GLIS1: variants seen among roughly 807,000 people sequenced by gnomAD.
GLIS1 encodes the protein GLIS family zinc finger 1, also known as zinc finger protein GLIS1.
Under a neutral mutation model 63.8 loss-of-function variants are expected in GLIS1, and 24 were observed. The ratio of observed to expected loss-of-function variants is 0.38; its 90% confidence interval spans 0.27 to 0.53. GLIS1 has a LOEUF of 0.53. GLIS1 is among the 20% of genes least tolerant of loss of function. The pLI, the probability that GLIS1 is intolerant of heterozygous loss-of-function variation, is 0.85. For missense variants in GLIS1, 1,036 were observed against 1,074.1 expected, an observed-to-expected ratio of 0.96 and a Z score of 0.50; for synonymous variants, 450 against 482.5, an observed-to-expected ratio of 0.93 and a Z score of 0.88.
At chr1:53,684,529 G>T (rs906382987) in intron 2 of GLIS1, among the ~76,000 whole-genome samples, 8 of 152,142 alleles carry the variant, frequency 5.3e-5, no homozygotes, top group African/African-American at 1.9e-4. Context: ...AGCCACCAGG[G>T]TGGGTGGCTG....
intron 2 of GLIS1, among the ~76,000 whole-genome samples, chr1:53,613,480 T>C (rs1645447271): frequency 6.6e-6 from 1 of 152,184 alleles, no homozygotes; most frequent in Non-Finnish European, 1.5e-5. Context: ...TATCCAATAA[T>C]AGAAGAATGA....
At chr1:53,510,106 C>A (rs899926105) in intron 8 of GLIS1, 79 bp from the exon 9 acceptor site, 4 of 781,938 alleles carry the variant, frequency 5.1e-6, no homozygotes, top group Non-Finnish European at 7.1e-6. Flanking sequence ...GCGGCTTACA[C>A]CCCTCCAGCG....
intron 4 of GLIS1, among the ~76,000 whole-genome samples, chr1:53,564,734 A>G (rs1246594574): frequency 1.3e-5 from 2 of 152,092 alleles, no homozygotes; most frequent in Non-Finnish European, 2.9e-5. Context: ...AACTTAAACC[A>G]AAAACATTAT....
chr1:53,573,346 A>G (rs3108389), intron 4 of GLIS1, among the ~76,000 whole-genome samples: 6,077 of 152,124 alleles, frequency 0.04, 392 homozygotes, highest in African/African-American at 0.14. Flanking sequence ...GGGGAAGGAC[A>G]GTGGCGGTGG....
At chr1:53,616,256 C>T (rs1645481772) in intron 2 of GLIS1, among the ~76,000 whole-genome samples, 1 of 152,168 alleles carries the variant, frequency 6.6e-6, no homozygotes, top group Non-Finnish European at 1.5e-5. Flanking sequence ...TGGTGACCAA[C>T]ACTCAAAACA....
At chr1:53,724,223 T>C (rs985236137) in intron 2 of GLIS1, among the ~76,000 whole-genome samples, 2 of 152,192 alleles carry the variant, frequency 1.3e-5, no homozygotes, top group African/African-American at 2.4e-5. Context: ...CTAGAGACTT[T>C]AGCATGTGAC....
chr1:53,644,854 G>A (rs990096347), intron 2 of GLIS1, among the ~76,000 whole-genome samples: 2 of 152,182 alleles, frequency 1.3e-5, no homozygotes, highest in East Asian at 1.9e-4. Context: ...GCAGAGGAGC[G>A]ACAGATTCCA....
intron 2 of GLIS1, among the ~76,000 whole-genome samples, chr1:53,716,269 C>G (rs1526911): frequency 0.23 from 35,596 of 151,938 alleles, 4,228 homozygotes; most frequent in African/African-American, 0.28. Flanking sequence ...AGGGGCCCAA[C>G]AGTGAGAACA....
intron 5 of GLIS1, 27 bp downstream of exon 5, chr1:53,529,764 C>A: frequency 6.2e-7 from 1 of 1,604,068 alleles, no homozygotes; most frequent in Non-Finnish European, 8.5e-7. Flanking sequence ...CTCCACCCCG[C>A]CCTGGGCCTC....
rs528867427 is a variant in GLIS1 at position 53,597,680 on chromosome 1, G to A, written c.437+2421C>T. On this transcript the variant is annotated intron_variant, in intron 3 of 10. Coordinates refer to ENST00000628545, the MANE Select transcript of GLIS1 (RefSeq NM_001367484.1). ...CCGTCGGGCGGTTGGGGGAAGGCAC[G>A]GAATTCAGATCAGGTGCGGCATAGG... Among the ~76,000 whole-genome samples, 572 of 152,200 alleles carry A rather than the reference G, an allele frequency of 3.8e-3. 4 individuals are homozygous for A. The highest frequency in any genetic ancestry group is 7.1e-3 in the Non-Finnish European group (480 of 68,014).
At chr1:53,649,452 C>T (rs778007952) in intron 2 of GLIS1, among the ~76,000 whole-genome samples, 4 of 152,168 alleles carry the variant, frequency 2.6e-5, no homozygotes, top group African/African-American at 4.8e-5. Flanking sequence ...CAGTATATTG[C>T]GCACCACAGT....
chr1:53,565,031 A>G (rs1010661064), intron 4 of GLIS1, among the ~76,000 whole-genome samples: 13 of 152,072 alleles, frequency 8.5e-5, no homozygotes, highest in African/African-American at 2.9e-4. Context: ...TACAAGACCA[A>G]TATCATATAA....
intron 4 of GLIS1, among the ~76,000 whole-genome samples, chr1:53,553,481 A>G (rs1644783758): frequency 6.6e-6 from 1 of 152,246 alleles, no homozygotes; most frequent in African/African-American, 2.4e-5. Flanking sequence ...GCTGCTGGTG[A>G]CACAGTGGTG....
intron 8 of GLIS1, 41 bp from the exon 9 acceptor site, chr1:53,510,068 G>C: frequency 8.4e-7 from 1 of 1,183,986 alleles, no homozygotes; most frequent in South Asian, 4.3e-5. Flanking sequence ...CAGGGGTCTG[G>C]AGGGTGGGGG....
intron 10 of GLIS1, 127 bp from the exon 11 acceptor site, chr1:53,506,903 T>TCCAA: frequency 1.0e-6 from 1 of 963,974 alleles, no homozygotes; most frequent in Non-Finnish European, 1.5e-6. Context: ...CGGTGGGGCC[T>TCCAA]GCTTGGAGCC....
At chr1:53,727,224 G>T (rs1458808590) in intron 2 of GLIS1, among the ~76,000 whole-genome samples, 2 of 152,236 alleles carry the variant, frequency 1.3e-5, no homozygotes, top group Non-Finnish European at 2.9e-5. Context: ...CCCAAAGGGG[G>T]CTTGAATGAA....
At chr1:53,585,610 G>A (rs1329816239) in intron 4 of GLIS1, among the ~76,000 whole-genome samples, 1 of 152,072 alleles carries the variant, frequency 6.6e-6, no homozygotes, top group African/African-American at 2.4e-5. Flanking sequence ...CAGGGAAGGA[G>A]GGCATCCAGC....
chr1:53,632,748 C>G (rs1451796084), intron 2 of GLIS1, among the ~76,000 whole-genome samples: 2 of 129,612 alleles, frequency 1.5e-5, no homozygotes, highest in Non-Finnish European at 3.2e-5. Flanking sequence ...GACCGAGGGG[C>G]GTGTGTATGA....
chr1:53,508,772 C>A (rs1644263720), intron 10 of GLIS1, among the ~76,000 whole-genome samples: 1 of 152,206 alleles, frequency 6.6e-6, no homozygotes, highest in Non-Finnish European at 1.5e-5. Context: ...CCTGCTATAT[C>A]CCCAGGGTCT....
Sources: allele counts gnomAD v4.1 joint callset (sites outside exome capture counted in the v4.1 genomes callset), GRCh38; gene constraint gnomAD v4.1.1; transcripts MANE v1.5; gene names NCBI Gene and HGNC (gene_info 2026-07-23, HGNC 2026-07-21).